TTF2: variants seen among roughly 807,000 people sequenced by gnomAD.
The protein encoded by TTF2 is RNA polymerase II termination factor.
In TTF2, 108 loss-of-function variants were observed where a neutral mutation model predicts 142.4. That is an observed-to-expected ratio of 0.76 (90% CI 0.65 to 0.89). The LOEUF (loss-of-function observed/expected upper bound fraction) is 0.89, where lower values mean the gene tolerates loss of function less well. Ranked by LOEUF, TTF2 falls within the 40% of genes least tolerant of loss-of-function variation. The pLI is 0.00. For synonymous variants in TTF2, 483 were observed against 506.2 expected (o/e 0.95, Z 0.61); for missense variants, 1,327 against 1,379.8 (o/e 0.96, Z 0.61).
In TTF2 at chr1:117,101,583, A is replaced by G. The variant is rs1649585789; in HGVS notation, c.*59A>G. The G allele has an allele frequency of 2.0e-6, 3 of 1,465,094 alleles. No individual in the cohort carries two copies. Among genetic ancestry groups the G allele is most frequent in the African/African-American group, 1.4e-5 (1 of 70,248 alleles). 90.8% of individuals were successfully genotyped at this position (1,465,094 alleles called of 1,614,324 possible). ...TGCTGGTTTGTATTAGGATCTGGGA[A>G]TAACAACCTAACCATGAGCCTTGAA... On this transcript the variant is annotated 3_prime_UTR_variant, in exon 23 of 23. Transcript: ENST00000369466. The surrounding 1 kb of genome is among the most constrained non-coding windows in gnomAD (Gnocchi z 5.9).
chr1:117,076,164 G>T lies in TTF2; in HGVS notation c.1276-16G>T. 1.2e-6 allele frequency: 2 copies of T among 1,607,688 alleles called. No homozygotes were observed. The highest frequency in any genetic ancestry group is 1.7e-6 in the Non-Finnish European group (2 of 1,174,646). ...GTGTGAGAGGAGAGATCCATTTGAT[G>T]GAATCTGTTTTTCAGAGCACACTGG... On this transcript the variant is annotated splice_polypyrimidine_tract_variant and intron_variant, in intron 5 of 22. Transcript: ENST00000369466. This position sits in a 1 kb window ranked among gnomAD's most constrained non-coding sequence, Gnocchi z 4.6.
chr1:117,088,548 A>AT (rs943528604), intron 12 of TTF2, among the ~76,000 whole-genome samples: 1 of 152,060 alleles, frequency 6.6e-6, no homozygotes, highest in Non-Finnish European at 1.5e-5. Context: ...AAAAAAAAAA[A>AT]GGAAACCCAA....
chr1:117,069,929 A>ATTGTTTT (rs1656447397), intron 3 of TTF2, among the ~76,000 whole-genome samples: 1 of 152,238 alleles, frequency 6.6e-6, no homozygotes, highest in Non-Finnish European at 1.5e-5. Context: ...ATTAATAAAC[A>ATTGTTTT]TACTGCAGAA....
chr1:117,085,302 C>A lies in TTF2; in HGVS notation c.2055-1115C>A, dbSNP rs577772163. 2.0e-5 allele frequency among the ~76,000 whole-genome samples: 3 copies of A among 152,106 alleles called. No individual in the cohort carries two copies. The highest frequency in any genetic ancestry group is 4.4e-5 in the Non-Finnish European group (3 of 68,028). On this transcript the variant is annotated intron_variant, in intron 11 of 22. Transcript: ENST00000369466. The surrounding 1 kb of genome is among the most constrained non-coding windows in gnomAD (Gnocchi z 4.7). ...GGCATGGTGGCTCATGCCTATAATC[C>A]GAGCACTTTGGGAGGCCGAGGCAGG...
chr1:117,073,337 T>C lies in TTF2; in HGVS notation c.219-324T>C, dbSNP rs1656746113. 1.3e-5 allele frequency among the ~76,000 whole-genome samples: 2 copies of C among 152,228 alleles called. No individual in the cohort carries two copies. The highest frequency in any genetic ancestry group is 4.8e-5 in the African/African-American group (2 of 41,468). ...GACCCCCCTTCAGGGACACACAGTG[T>C]CTGGCTGTCTCTCATTTCTCTGATT... On this transcript the variant is annotated intron_variant, in intron 3 of 22. Coordinates refer to ENST00000369466, the MANE Select transcript of TTF2 (RefSeq NM_003594.4). The surrounding 1 kb of genome is among the most constrained non-coding windows in gnomAD (Gnocchi z 4.4).
At position 117,092,999 on chromosome 1, in the gene TTF2, T is replaced by G; in HGVS notation, c.2976+98T>G. 1.4e-6 allele frequency: 2 copies of G among 1,409,626 alleles called. No individual in the cohort carries two copies. Among genetic ancestry groups the G allele is most frequent in the Non-Finnish European group, 2.0e-6 (2 of 1,020,258 alleles). The allele number at this position is 1,409,626 out of a possible 1,614,324, so 87.3% of individuals were successfully genotyped here. On this transcript the variant is annotated intron_variant, in intron 18 of 22. Transcript: ENST00000369466. This position sits in a 1 kb window ranked among gnomAD's most constrained non-coding sequence, Gnocchi z 4.4. ...ATTTGTCCAAGTGGGAACAGCCATT[T>G]GCCAGCAGAGCTAGAGCCGTTAAAT...
intron 2 of TTF2, among the ~76,000 whole-genome samples, chr1:117,061,189 A>C (rs1324047595): frequency 6.6e-6 from 1 of 152,190 alleles, no homozygotes; most frequent in Non-Finnish European, 1.5e-5. Context: ...CAGGGGTTCG[A>C]AACCAGCCTG....
chr1:117,077,183 T>C (rs1360241255), intron 7 of TTF2, among the ~76,000 whole-genome samples: 3 of 152,024 alleles, frequency 2.0e-5, no homozygotes, highest in Non-Finnish European at 4.4e-5. Context: ...CTGGGGGTCT[T>C]GCAACATACG....
chr1:117,067,012 C>G (rs1187569121), intron 3 of TTF2, among the ~76,000 whole-genome samples: 1 of 152,074 alleles, frequency 6.6e-6, no homozygotes, highest in Non-Finnish European at 1.5e-5. Flanking sequence ...CAAATTGTGT[C>G]TTATTTTCAT....
rs1235815640 is a variant in TTF2, at chr1:117,060,871, TCTC to T, written c.131+317_131+319del. ...ACTTGACAGGCCTTAACCACTCCCT[TCTC>T]CTGCCCAGACAGTCCCTCCCCCTTT... On this transcript the variant is annotated intron_variant, in intron 2 of 22. Transcript: ENST00000369466. 3.3e-5 allele frequency among the ~76,000 whole-genome samples: 5 copies of T among 152,100 alleles called. No homozygotes were observed. In the East Asian group the frequency reaches 5.8e-4, roughly 18 times the overall value.
At chr1:117,088,486 G>A (rs1422813871) in intron 12 of TTF2, among the ~76,000 whole-genome samples, 3 of 151,926 alleles carry the variant, frequency 2.0e-5, no homozygotes, top group Non-Finnish European at 4.4e-5. Context: ...GCAGTGAGCC[G>A]AGATCTCGCC....
At chr1:117,078,156 A>G (rs537867472) in intron 8 of TTF2, 113 bp downstream of exon 8, 889 of 1,381,690 alleles carry the variant, frequency 6.4e-4, no homozygotes, top group Non-Finnish European at 8.0e-4. Context: ...AGATGCTTAA[A>G]TGGCTTCCCT....
At chr1:117,074,772 C>G (rs1656852586) in intron 4 of TTF2, 98 bp from the exon 5 acceptor site, 2 of 1,148,006 alleles carry the variant, frequency 1.7e-6, no homozygotes, top group Non-Finnish European at 2.4e-6. Context: ...ATATGTACCC[C>G]CTGTATATAA....
chr1:117,091,761 C>T, intron 16 of TTF2, 56 bp from the exon 17 acceptor site: 1 of 1,577,948 alleles, frequency 6.3e-7, no homozygotes. Context: ...CTGGCTCTCT[C>T]CGTATTTCTC....
In TTF2 at chr1:117,074,936, TC is replaced by T; in HGVS notation, c.353del (p.Ser118PhefsTer5). 6.2e-7 allele frequency: 1 copy of T among 1,613,750 alleles called. No homozygotes were observed. The highest frequency in any genetic ancestry group is 8.5e-7 in the Non-Finnish European group (1 of 1,179,962). On this transcript the variant is annotated frameshift_variant, in exon 5 of 23. Coordinates refer to ENST00000369466, the MANE Select transcript of TTF2 (RefSeq NM_003594.4). LOFTEE classifies it high-confidence loss of function. ...SQHASETFHH[S>X]SNWLRNPFKV... The stretch of plus-strand genomic sequence containing the variant: ...GCATGCATCTGAGACATTTCATCAT[TC>T]TTCCAACTGGCTGAGAAATCCATTC...
In TTF2 at chr1:117,062,490, A is replaced by G; in HGVS notation, c.218+17A>G. 3 of 1,594,742 alleles carry G rather than the reference A, an allele frequency of 1.9e-6. No individual in the cohort carries two copies. The highest frequency in any genetic ancestry group is 2.6e-6 in the Non-Finnish European group (3 of 1,173,220). ...AGAATACAGGTAAGGGTCCAAAAGG[A>G]ACATCTAAGTGTATTTGCTTTTTTT... On this transcript the variant is annotated intron_variant, in intron 3 of 22. Transcript: ENST00000369466.
At chr1:117,078,071 TC>T in intron 8 of TTF2, 28 bp downstream of exon 8, 1 of 1,611,972 alleles carries the variant, frequency 6.2e-7, no homozygotes, top group Non-Finnish European at 8.5e-7. Flanking sequence ...CCTGGTGTAG[TC>T]CTCTATGACA....
At chr1:117,094,531 G>T in intron 18 of TTF2, 1 of 460,454 alleles carries the variant, frequency 2.2e-6, no homozygotes. Context: ...TACCCAGGGA[G>T]CCTGTTCGGA....
Position 117,086,530 on chromosome 1 carries a change from T to TG in TTF2, c.2160+14dup, listed in dbSNP as rs561865841. The TG allele has an allele frequency of 2.2e-4, 356 of 1,608,822 alleles. 4 individuals are homozygous for TG. The South Asian group carries it at 3.7e-3, about 17-fold the overall frequency. On this transcript the variant is annotated intron_variant, in intron 12 of 22. Transcript: ENST00000369466. This position sits in a 1 kb window ranked among gnomAD's most constrained non-coding sequence, Gnocchi z 4.2. ...GCAAACCTCAATGTGGAGGTGAGGC[T>TG]GGGGGGCAGCCAGGGAAGTGGAGTT...
Sources: allele counts gnomAD v4.1 joint callset (sites outside exome capture counted in the v4.1 genomes callset), GRCh38; gene constraint gnomAD v4.1.1; non-coding constraint Gnocchi (gnomAD v3.1); transcripts MANE v1.5; gene names NCBI Gene and HGNC (gene_info 2026-07-23, HGNC 2026-07-21).